The following TMEM232 variants were observed in gnomAD, a reference collection of about 807,000 sequenced individuals.
TMEM232 encodes the protein transmembrane protein 232.
In TMEM232, 80 loss-of-function variants were observed where a neutral mutation model predicts 78.8. The ratio of observed to expected loss-of-function variants is 1.01; its 90% CI spans 0.85 to 1.22. The LOEUF (loss-of-function observed/expected upper bound fraction) is 1.22, where lower values mean the gene tolerates loss of function less well. Among genes scored for constraint, TMEM232 ranks in the 50% most tolerant of loss-of-function variants. The probability of loss-of-function intolerance (pLI) is 0.00; values close to 1 mark genes in which losing one functional copy is unlikely to be tolerated. For synonymous variants in TMEM232, 297 were observed against 254.3 expected (o/e 1.17, Z -1.60); for missense variants, 881 against 742.2 (o/e 1.19, Z -2.17).
intron 11 of TMEM232, among the ~76,000 whole-genome samples, chr5:110,561,083 G>A (rs774092861): frequency 6.6e-6 from 1 of 152,096 alleles, no homozygotes; most frequent in Non-Finnish European, 1.5e-5. Context: ...TAAAATTTAT[G>A]TAGTAAGAAA....
At chr5:110,556,908 AT>A (rs1234318683) in intron 11 of TMEM232, among the ~76,000 whole-genome samples, 4 of 152,148 alleles carry the variant, frequency 2.6e-5, no homozygotes, top group African/African-American at 9.6e-5. Flanking sequence ...CTGAATTTGA[AT>A]ATCATCCTCT....
chr5:110,390,184 T>C (rs1755129103), intron 4 of TMEM232, among the ~76,000 whole-genome samples: 1 of 152,188 alleles, frequency 6.6e-6, no homozygotes, highest in Non-Finnish European at 1.5e-5. Flanking sequence ...CCACATTCCA[T>C]GAGTGTTATT....
Position 110,630,915 on chromosome 5 carries a change from G to T in TMEM232, c.502-3035C>A, listed in dbSNP as rs542025906. Reference sequence around the variant, plus strand: ...CCACATATTTCCTGACACTAACGTGGACAGTGAGCTAGAGACCCCTGAAGG... The same window carrying T: ...CCACATATTTCCTGACACTAACGTGTACAGTGAGCTAGAGACCCCTGAAGG... On this transcript the variant is annotated intron_variant, in intron 5 of 13. Transcript: ENST00000455884. Among the ~76,000 whole-genome samples, 11 of 152,160 alleles carry T rather than the reference G, an allele frequency of 7.2e-5. No homozygotes were observed. The South Asian group carries it at 2.3e-3, about 32-fold the overall frequency.
intron 1 of TMEM232, among the ~76,000 whole-genome samples, chr5:110,685,143 G>A (rs1793238561): frequency 6.6e-6 from 1 of 151,888 alleles, no homozygotes; most frequent in African/African-American, 2.4e-5. Flanking sequence ...AAATAACAAT[G>A]AAATTTGAAA....
At chr5:110,445,400 C>T (rs1759537404) in intron 12 of TMEM232, among the ~76,000 whole-genome samples, 1 of 152,030 alleles carries the variant, frequency 6.6e-6, no homozygotes, top group Non-Finnish European at 1.5e-5. Context: ...CATCACATTC[C>T]CCACAACCCC....
At chr5:110,575,039 G>A (rs115405449) in intron 10 of TMEM232, among the ~76,000 whole-genome samples, 2,951 of 152,028 alleles carry the variant, frequency 0.019, 90 homozygotes, top group African/African-American at 0.068. Context: ...GAACTTCAGA[G>A]GAGACAACAA....
intron 10 of TMEM232, among the ~76,000 whole-genome samples, chr5:110,600,458 C>T (rs1360165925): frequency 2.0e-5 from 3 of 151,980 alleles, no homozygotes; most frequent in Admixed American, 2.0e-4. Flanking sequence ...CAAATACATG[C>T]AATAAAAAAT....
At chr5:110,518,801 A>T (rs1769065543) in intron 12 of TMEM232, among the ~76,000 whole-genome samples, 1 of 152,188 alleles carries the variant, frequency 6.6e-6, no homozygotes, top group Non-Finnish European at 1.5e-5. Context: ...ACAAATGCCA[A>T]GGAAGAAACT....
At chr5:110,413,928 G>A (rs1176944921) in intron 2 of TMEM232, among the ~76,000 whole-genome samples, 2 of 152,186 alleles carry the variant, frequency 1.3e-5, no homozygotes, top group African/African-American at 4.8e-5. Flanking sequence ...CATAGCTTCT[G>A]TCCATAATCA....
intron 11 of TMEM232, among the ~76,000 whole-genome samples, chr5:110,555,161 T>G (rs1441109787): frequency 2.0e-5 from 3 of 152,192 alleles, no homozygotes; most frequent in Admixed American, 6.5e-5. Context: ...TGCTATAAAC[T>G]TTCCTGTTAA....
intron 1 of TMEM232, among the ~76,000 whole-genome samples, chr5:110,673,220 G>C (rs374788620): frequency 6.6e-6 from 1 of 151,270 alleles, no homozygotes; most frequent in Non-Finnish European, 1.5e-5. Flanking sequence ...ACCAAACACC[G>C]CATGTTCTCA....
intron 11 of TMEM232, among the ~76,000 whole-genome samples, chr5:110,545,797 A>G (rs1403277888): frequency 1.3e-5 from 2 of 152,124 alleles, no homozygotes; most frequent in African/African-American, 2.4e-5. Flanking sequence ...TTAGCTGTAC[A>G]TATTTCTTTT....
intron 12 of TMEM232, among the ~76,000 whole-genome samples, chr5:110,450,403 G>T (rs1054468136): frequency 2.6e-5 from 4 of 151,674 alleles, no homozygotes; most frequent in African/African-American, 7.3e-5. Context: ...TACTGTCCAG[G>T]TTTCATCTCT....
At chr5:110,558,351 C>A (rs1338487305) in intron 11 of TMEM232, among the ~76,000 whole-genome samples, 2 of 152,044 alleles carry the variant, frequency 1.3e-5, no homozygotes, top group Non-Finnish European at 2.9e-5. Context: ...AGTGCGCATG[C>A]CAGAAAATCA....
chr5:110,706,580 T>C (rs138193654), intron 1 of TMEM232, among the ~76,000 whole-genome samples: 10 of 152,286 alleles, frequency 6.6e-5, no homozygotes, highest in African/African-American at 1.7e-4. Flanking sequence ...CTCTTTCCTC[T>C]ATTTCTGACT....
intron 3 of TMEM232, among the ~76,000 whole-genome samples, chr5:110,391,326 T>TGTGTGTGTGTGTGAGAGAGAGA (rs549361387): frequency 2.1e-5 from 3 of 139,922 alleles, no homozygotes; most frequent in African/African-American, 8.8e-5. Context: ...TGTGTGTGTG[T>TGTGTGTGTGTGTGAGAGAGAGA]GAGAGAGAGA....
intron 12 of TMEM232, among the ~76,000 whole-genome samples, chr5:110,499,244 A>G (rs1392738705): frequency 6.6e-6 from 1 of 152,110 alleles, no homozygotes; most frequent in Non-Finnish European, 1.5e-5. Context: ...ATTCCAATTA[A>G]AACAGAATGC....
intron 2 of TMEM232, among the ~76,000 whole-genome samples, chr5:110,410,549 G>C (rs1031815133): frequency 1.3e-5 from 2 of 152,110 alleles, no homozygotes; most frequent in Admixed American, 1.3e-4. Flanking sequence ...AGCTATATAG[G>C]CTTGCTGTCT....
intron 2 of TMEM232, among the ~76,000 whole-genome samples, chr5:110,662,909 T>C (rs1414613658): frequency 8.5e-5 from 13 of 152,082 alleles, no homozygotes; most frequent in Admixed American, 8.5e-4. Context: ...GATCTTGTGG[T>C]TGGGAAAGAT....
Sources: allele counts gnomAD v4.1 joint callset (sites outside exome capture counted in the v4.1 genomes callset), GRCh38; gene constraint gnomAD v4.1.1; transcripts MANE v1.5; gene names NCBI Gene and HGNC (gene_info 2026-07-23, HGNC 2026-07-21).